The following TMEM63C variants were observed in gnomAD, a reference collection of about 807,000 sequenced individuals.
The protein encoded by TMEM63C is transmembrane protein 63C.
A neutral mutation model predicts 99.2 loss-of-function variants in TMEM63C; 32 were observed. That is an observed-to-expected ratio of 0.32 (90% CI 0.24 to 0.43). The LOEUF (loss-of-function observed/expected upper bound fraction) is 0.43. Among genes scored for constraint, TMEM63C ranks in the 20% least tolerant of loss-of-function variants. The probability of loss-of-function intolerance (pLI) is 1.00; values close to 1 mark genes in which losing one functional copy is unlikely to be tolerated. For synonymous variants in TMEM63C, 376 were observed against 397.9 expected (o/e 0.94, Z 0.66); for missense variants, 826 against 1,053.0 (o/e 0.78, Z 2.98).
chr14:77,219,605 G>A (rs373421630), intron 4 of TMEM63C, 28 bp downstream of exon 4: 39 of 1,610,988 alleles, frequency 2.4e-5, no homozygotes, highest in East Asian at 4.5e-5. Flanking sequence ...TGGGTGAGCC[G>A]TTGCCCCCTT....
In TMEM63C at chr14:77,251,764, C is replaced by T. The variant is rs772477892; in HGVS notation, c.2039-25C>T. On this transcript the variant is annotated intron_variant, in intron 21 of 23. Coordinates refer to ENST00000298351, the MANE Select transcript of TMEM63C (RefSeq NM_020431.4). Reference sequence around the variant, plus strand: ...GCATCTCGGCTGGCAGACTCCTGCCCATGACTTTTTCTCCTCCTCGGCAGG... The same window carrying T: ...GCATCTCGGCTGGCAGACTCCTGCCTATGACTTTTTCTCCTCCTCGGCAGG... 75 of 1,593,798 alleles carry T rather than the reference C, an allele frequency of 4.7e-5. No homozygotes were observed. The East Asian group carries it at 1.5e-3, about 33-fold the overall frequency.
intron 16 of TMEM63C, 24 bp from the exon 17 acceptor site, chr14:77,245,916 G>T: frequency 6.3e-7 from 1 of 1,583,208 alleles, no homozygotes; most frequent in South Asian, 1.1e-5. Flanking sequence ...GTCCATTGAT[G>T]AATATCTCTC....
In TMEM63C at chr14:77,203,104, G is replaced by T. The variant is rs371869145; in HGVS notation, c.-76-10342G>T. 1.3e-4 allele frequency among the ~76,000 whole-genome samples: 20 copies of T among 152,310 alleles called. No homozygotes were observed. In the East Asian group the frequency reaches 2.1e-3, roughly 16 times the overall value. On this transcript the variant is annotated intron_variant, in intron 1 of 23. Transcript: ENST00000298351. ...TCAAAAAGCAATAAAGACGCTGGGCGTGGTGGCTTATCCCTGTAATCCCAG... is the reference window on the plus strand; with the variant it reads ...TCAAAAAGCAATAAAGACGCTGGGCTTGGTGGCTTATCCCTGTAATCCCAG...
chr14:77,216,442 T>C (rs1040773272), intron 2 of TMEM63C, among the ~76,000 whole-genome samples: 2 of 152,204 alleles, frequency 1.3e-5, no homozygotes, highest in Admixed American at 6.5e-5. Context: ...TGTCTCACAT[T>C]TATGTCTCCA....
intron 6 of TMEM63C, among the ~76,000 whole-genome samples, chr14:77,228,540 C>CT (rs34337596): frequency 0.069 from 10,001 of 145,914 alleles, 1,106 homozygotes; most frequent in African/African-American, 0.23. Context: ...AAAAATAAAT[C>CT]TTTTTTTTTT....
At chr14:77,219,982 C>T (rs1888661070) in intron 4 of TMEM63C, 24 bp from the exon 5 acceptor site, 2 of 1,551,850 alleles carry the variant, frequency 1.3e-6, no homozygotes, top group Middle Eastern at 1.7e-4. Flanking sequence ...TTTCTTACCT[C>T]CCTGCCCCTT....
At chr14:77,217,259 A>C (rs1302758793) in intron 2 of TMEM63C, among the ~76,000 whole-genome samples, 3 of 152,090 alleles carry the variant, frequency 2.0e-5, no homozygotes, top group African/African-American at 7.2e-5. Flanking sequence ...GCAAGCTCGA[A>C]GCCCAGGGCC....
intron 9 of TMEM63C, among the ~76,000 whole-genome samples, chr14:77,237,987 C>A (rs1419399054): frequency 6.6e-6 from 1 of 152,236 alleles, no homozygotes; most frequent in African/African-American, 2.4e-5. Flanking sequence ...AATGCTTCAG[C>A]CTGCCAGGCA....
chr14:77,210,117 C>T (rs778282316), intron 1 of TMEM63C, among the ~76,000 whole-genome samples: 14 of 152,192 alleles, frequency 9.2e-5, no homozygotes, highest in Non-Finnish European at 1.8e-4. Context: ...TCATCAAGAA[C>T]TCCTTCTCTA....
At chr14:77,205,645 G>A (rs1888384197) in intron 1 of TMEM63C, among the ~76,000 whole-genome samples, 1 of 152,182 alleles carries the variant, frequency 6.6e-6, no homozygotes, top group South Asian at 2.1e-4. Context: ...GAATGGAGGG[G>A]GCAGAGACAA....
At chr14:77,210,208 T>C (rs1366880134) in intron 1 of TMEM63C, among the ~76,000 whole-genome samples, 1 of 152,178 alleles carries the variant, frequency 6.6e-6, no homozygotes, top group Non-Finnish European at 1.5e-5. Flanking sequence ...TCATGCTTAA[T>C]GTCTGGGGTG....
chr14:77,202,857 A>G (rs1261391243), intron 1 of TMEM63C, among the ~76,000 whole-genome samples: 2 of 77,192 alleles, frequency 2.6e-5, no homozygotes, highest in South Asian at 8.7e-4. Flanking sequence ...ACACACACAC[A>G]CACACACACG....
intron 6 of TMEM63C, among the ~76,000 whole-genome samples, chr14:77,230,971 A>T (rs780911080): frequency 6.6e-6 from 1 of 152,188 alleles, no homozygotes; most frequent in Non-Finnish European, 1.5e-5. Flanking sequence ...TTGGGTATAA[A>T]CCTAGGAGTG....
Position 77,243,015 on chromosome 14 carries a change from A to T in TMEM63C, c.1300A>T (p.Ile434Phe), listed in dbSNP as rs751878945. ...LTTPAIIMNT[I>F]DMYNVTRPIE... ...CACGCCTGCCATCATCATGAACACTATCGACATGTACAACGTCACCCGCCC... is the reference window on the plus strand; with the variant it reads ...CACGCCTGCCATCATCATGAACACTTTCGACATGTACAACGTCACCCGCCC... The change falls in exon 15 of 24, where the codon ATC becomes TTC. Residue 434 changes from isoleucine (I) to phenylalanine (F), a missense_variant. Coordinates refer to ENST00000298351, the MANE Select transcript of TMEM63C (RefSeq NM_020431.4). The T allele has an allele frequency of 1.1e-5, 17 of 1,613,754 alleles. No individual in the cohort carries two copies. The highest frequency in any genetic ancestry group is 1.4e-5 in the Non-Finnish European group (17 of 1,179,846).
chr14:77,249,180 T>C (rs1031710258), intron 20 of TMEM63C, 111 bp from the exon 21 acceptor site: 2 of 1,189,608 alleles, frequency 1.7e-6, no homozygotes, highest in Non-Finnish European at 1.2e-6. Flanking sequence ...TCCTTGGTTG[T>C]TGTGACTCTG....
rs35484514 is a variant in TMEM63C at position 77,181,894 on chromosome 14, TGTG to T, written c.-77+4_-77+6del. 0.33 allele frequency: 50,330 copies of T among 151,828 alleles called. 9,425 individuals are homozygous for T. The highest frequency in any genetic ancestry group is 0.67 in the East Asian group (3,411 of 5,102). The allele number at this position is 151,828 out of a possible 1,614,324, so 9.4% of individuals were successfully genotyped here. ...GGGGCCGCGGTGCTGAGGACGCAAA[TGTG>T]GTGAGCACGCGATGCGGGTGCGGTG... is the stretch of plus-strand genomic sequence containing the variant. On this transcript the variant is annotated splice_donor_variant and splice_donor_region_variant and intron_variant, in intron 1 of 23. Transcript: ENST00000298351. LOFTEE classifies it low-confidence loss of function (5UTR_SPLICE).
At chr14:77,194,344 G>A (rs1204992311) in intron 1 of TMEM63C, among the ~76,000 whole-genome samples, 7 of 44,166 alleles carry the variant, frequency 1.6e-4, no homozygotes, top group East Asian at 5.9e-4. Context: ...ATATGTGTGT[G>A]TGTGTGTGTG....
intron 2 of TMEM63C, among the ~76,000 whole-genome samples, chr14:77,214,069 A>C (rs1888538138): frequency 6.6e-6 from 1 of 151,844 alleles, no homozygotes; most frequent in South Asian, 2.1e-4. Flanking sequence ...CTTTACCTTC[A>C]TTCCTTCTCC....
intron 18 of TMEM63C, among the ~76,000 whole-genome samples, chr14:77,247,795 G>T (rs1889290442): frequency 6.6e-6 from 1 of 151,998 alleles, no homozygotes. Context: ...AGTAGAGATG[G>T]GGTTTCACCA....
Sources: gnomAD v4.1 joint callset for allele counts (sites outside exome capture counted in the v4.1 genomes callset) on GRCh38, gnomAD v4.1.1 for gene constraint, MANE v1.5 for transcripts, NCBI Gene and HGNC (gene_info 2026-07-23, HGNC 2026-07-21) for gene names.